Variants in KIF11 observed in about 807,000 individuals in gnomAD.
KIF11 encodes the protein kinesin family member 11.
A neutral mutation model predicts 121.0 loss-of-function variants in KIF11; 9 were observed. That is an observed-to-expected ratio of 0.07 (90% CI 0.04 to 0.13). KIF11 has a LOEUF of 0.13. Among genes scored for constraint, KIF11 ranks in the 10% least tolerant of loss-of-function variants. The probability of loss-of-function intolerance (pLI) is 1.00; values close to 1 mark genes in which losing one functional copy is unlikely to be tolerated. For missense variants in KIF11, 846 were observed against 1,217.5 expected (o/e 0.69, Z 4.54); for synonymous variants, 408 against 421.0 (o/e 0.97, Z 0.38).
chr10:92,617,305 T>G (rs945709676), intron 9 of KIF11, among the ~76,000 whole-genome samples: 2 of 152,248 alleles, frequency 1.3e-5, no homozygotes, highest in Non-Finnish European at 2.9e-5. Flanking sequence ...ACGTTTCCTA[T>G]AAATGGAATC....
chr10:92,651,516 T>TG (rs1844981982), intron 21 of KIF11, among the ~76,000 whole-genome samples: 2 of 37,172 alleles, frequency 5.4e-5, no homozygotes, highest in African/African-American at 1.7e-4. Flanking sequence ...TGTTTTTTTT[T>TG]TTTTTTTTTT....
chr10:92,603,268 T>C (rs1001305682), intron 1 of KIF11, among the ~76,000 whole-genome samples: 27 of 142,632 alleles, frequency 1.9e-4, no homozygotes, highest in South Asian at 2.3e-4. Context: ...CTTTTCTTTT[T>C]TTTTTTTTTT....
intron 1 of KIF11, among the ~76,000 whole-genome samples, chr10:92,598,335 C>T (rs1021747353): frequency 6.6e-6 from 1 of 152,154 alleles, no homozygotes; most frequent in Non-Finnish European, 1.5e-5. Context: ...TTCCCAGCAC[C>T]ATTTGGTGAA....
chr10:92,609,349 C>T (rs1232850924), intron 5 of KIF11, 36 bp from the exon 6 acceptor site: 2 of 1,257,000 alleles, frequency 1.6e-6, no homozygotes, highest in South Asian at 1.3e-5. Context: ...TGTGTTTTAA[C>T]CAATCTAATG....
intron 4 of KIF11, among the ~76,000 whole-genome samples, chr10:92,608,255 G>A (rs755263043): frequency 1.3e-5 from 2 of 151,502 alleles, no homozygotes; most frequent in African/African-American, 2.4e-5. Flanking sequence ...GGGATTAGAG[G>A]CACATACTAC....
intron 19 of KIF11, among the ~76,000 whole-genome samples, chr10:92,649,120 CTTT>C (rs11285704): frequency 6.9e-6 from 1 of 144,630 alleles, no homozygotes; most frequent in African/African-American, 2.5e-5. Context: ...TCACAAAACT[CTTT>C]TTTTTTTTTA....
chr10:92,605,713 C>T (rs1016952419), intron 1 of KIF11, among the ~76,000 whole-genome samples: 2 of 151,980 alleles, frequency 1.3e-5, no homozygotes, highest in Non-Finnish European at 2.9e-5. Flanking sequence ...CTCGAACTCC[C>T]GACCTCAGGT....
chr10:92,637,503 C>T lies in KIF11; in HGVS notation c.2118C>T (p.Asn706=), dbSNP rs961135047. The T allele has an allele frequency of 2.5e-6, 4 of 1,606,622 alleles. No individual in the cohort carries two copies. The African/African-American group carries it at 5.4e-5, about 22-fold the overall frequency. ...TTGAGTCACAAAAGCAATGTGGAAA[C>T]CTAACTGAAGACCTGAAGACAATAA... ...SLVESQKQCG[N]LTEDLKTIKQ... The change falls in exon 16 of 22, where the codon AAC becomes AAT. Residue 706 remains asparagine, a synonymous_variant. Coordinates refer to ENST00000260731, the MANE Select transcript of KIF11 (RefSeq NM_004523.4).
chr10:92,629,773 C>T (rs1420488268), intron 11 of KIF11, among the ~76,000 whole-genome samples: 5 of 151,970 alleles, frequency 3.3e-5, no homozygotes, highest in African/African-American at 9.7e-5. Flanking sequence ...CTACCATGCC[C>T]GGCTAATTAT....
At chr10:92,638,136 ATTC>A (rs1343325322) in intron 16 of KIF11, among the ~76,000 whole-genome samples, 1 of 152,234 alleles carries the variant, frequency 6.6e-6, no homozygotes, top group African/African-American at 2.4e-5. Flanking sequence ...AGCTTCTGGT[ATTC>A]TTAAGACTTT....
chr10:92,593,195 C>T lies in KIF11; in HGVS notation c.-181C>T. 1.8e-6 allele frequency: 1 copy of T among 563,488 alleles called. No individual in the cohort carries two copies. Among genetic ancestry groups the T allele is most frequent in the East Asian group, 3.1e-5 (1 of 32,254 alleles). The allele number at this position is 563,488 out of a possible 1,614,324, so 34.9% of individuals were successfully genotyped here. A position where few individuals can be genotyped will look rare whatever the true frequency, so the allele number is the denominator to read the frequency against. ...GCGGCTCCGACTGGCGCGGGACAAA[C>T]GCCACGGCCAGAGTACCGGGTAGAG... On this transcript the variant is annotated 5_prime_UTR_variant, in exon 1 of 22. In the 5' UTR this introduces an upstream ATG that the reference lacks. Transcript: ENST00000260731.
At chr10:92,607,346 A>G (rs1204932230) in intron 4 of KIF11, 109 bp downstream of exon 4, 1 of 634,168 alleles carries the variant, frequency 1.6e-6, no homozygotes, top group African/African-American at 1.9e-5. Flanking sequence ...TACCTATGTC[A>G]AAATGAACTT....
chr10:92,648,296 A>T lies in KIF11; in HGVS notation c.2632A>T (p.Asn878Tyr). The part of the protein sequence containing the change: ...GRKAAHEKQH[N>Y]IFLDQMTIDE... Reference sequence around the variant, plus strand: ...TAAGGCAGCTCATGAGAAACAGCATAACATTTTTCTTGATCAGATGACTAT... The same window carrying T: ...TAAGGCAGCTCATGAGAAACAGCATTACATTTTTCTTGATCAGATGACTAT... The change falls in exon 19 of 22, where the codon AAC (asparagine) becomes TAC (tyrosine). Residue 878 changes from asparagine to tyrosine, a missense_variant. By Grantham distance (143) the Asn-to-Tyr change is moderately radical. Around this residue, in one of 5 missense-constraint regions of KIF11, gnomAD observed 492 missense variants for 603.4 expected, o/e 0.82. Coordinates refer to ENST00000260731, the MANE Select transcript of KIF11 (RefSeq NM_004523.4). 6.2e-7 allele frequency: 1 copy of T among 1,613,224 alleles called. No individual in the cohort carries two copies. Among genetic ancestry groups the T allele is most frequent in the Non-Finnish European group, 8.5e-7 (1 of 1,179,184 alleles).
chr10:92,620,313 C>T (rs928661933), intron 9 of KIF11, among the ~76,000 whole-genome samples: 3 of 152,098 alleles, frequency 2.0e-5, no homozygotes, highest in Non-Finnish European at 4.4e-5. Context: ...ATCTCCTGAC[C>T]TTGTGATCCG....
At chr10:92,608,080 AAAAC>A (rs1293070337) in intron 4 of KIF11, among the ~76,000 whole-genome samples, 1 of 151,366 alleles carries the variant, frequency 6.6e-6, no homozygotes. Context: ...AAAAAACAAA[AAAAC>A]AAAAAACCAA....
intron 4 of KIF11, among the ~76,000 whole-genome samples, chr10:92,607,730 A>T (rs538826838): frequency 6.6e-6 from 1 of 152,210 alleles, no homozygotes; most frequent in Admixed American, 6.5e-5. Context: ...AATAACTAAG[A>T]GAGAGAACCA....
At chr10:92,632,444 C>A in intron 12 of KIF11, 42 bp from the exon 13 acceptor site, 1 of 1,228,596 alleles carries the variant, frequency 8.1e-7, no homozygotes, top group Non-Finnish European at 1.2e-6. Flanking sequence ...AGATTCCTTT[C>A]ACCGTATCCA....
chr10:92,631,005 T>C (rs1474895891), intron 12 of KIF11, among the ~76,000 whole-genome samples: 2 of 148,944 alleles, frequency 1.3e-5, no homozygotes, highest in Non-Finnish European at 3.0e-5. Flanking sequence ...GTATGTTCTG[T>C]CCAGGCATGG....
intron 10 of KIF11, among the ~76,000 whole-genome samples, chr10:92,622,655 A>T (rs1249829990): frequency 6.6e-6 from 1 of 151,898 alleles, no homozygotes; most frequent in Non-Finnish European, 1.5e-5. Flanking sequence ...AATAAATAAA[A>T]AATAATTATA....
Sources: allele counts gnomAD v4.1 joint callset (sites outside exome capture counted in the v4.1 genomes callset), GRCh38; gene constraint gnomAD v4.1.1; regional missense constraint gnomAD v4.1.1; transcripts MANE v1.5; gene names NCBI Gene and HGNC (gene_info 2026-07-23, HGNC 2026-07-21).